Variants in PASD1 observed in about 807,000 individuals in gnomAD.
PASD1 encodes the protein circadian clock protein PASD1.
In PASD1, 13 loss-of-function variants were observed where a neutral mutation model predicts 58.8. The ratio of observed to expected loss-of-function variants is 0.22; its 90% confidence interval spans 0.14 to 0.35. The LOEUF (loss-of-function observed/expected upper bound fraction) is 0.35, where lower values mean the gene tolerates loss of function less well. Among genes scored for constraint, PASD1 ranks in the 10% least tolerant of loss-of-function variants. The pLI is 1.00. For missense variants in PASD1, 734 were observed against 568.3 expected (o/e 1.29, Z -2.96); for synonymous variants, 236 against 216.7 (o/e 1.09, Z -0.78).
chrX:151,633,431 G>A (rs2013893350), intron 8 of PASD1, among the ~76,000 whole-genome samples: 1 of 111,536 alleles, frequency 9.0e-6, no homozygotes, highest in African/African-American at 3.3e-5. Context: ...CCACGCAGCT[G>A]TATTTGTTAG....
rs976050192 is a variant in PASD1, at chrX:151,676,523, T to A, written c.*380T>A. 3 of 132,452 alleles carry A rather than the reference T, an allele frequency of 2.3e-5. No homozygotes were observed. The highest frequency in any genetic ancestry group is 4.5e-5 in the Non-Finnish European group (3 of 67,124). The allele number at this position is 132,452 out of a possible 1,213,427, so 10.9% of individuals were successfully genotyped here. A position where few individuals can be genotyped will look rare whatever the true frequency, so the allele number is the denominator to read the frequency against. Reference sequence around the variant, plus strand: ...AGAAAAAAAAATGCCAAAGTGCTTTTCAATCTAGTAAATCTAGAGGGTTGT... The same window carrying A: ...AGAAAAAAAAATGCCAAAGTGCTTTACAATCTAGTAAATCTAGAGGGTTGT... On this transcript the variant is annotated 3_prime_UTR_variant, in exon 16 of 16. Coordinates refer to ENST00000370357, the MANE Select transcript of PASD1 (RefSeq NM_173493.3).
At position 151,641,808 on chromosome X, in the gene PASD1, G is replaced by A. The variant is rs747461061; in HGVS notation, c.630-6807G>A. On this transcript the variant is annotated intron_variant, in intron 8 of 15. Coordinates refer to ENST00000370357, the MANE Select transcript of PASD1 (RefSeq NM_173493.3). Reference sequence around the variant, plus strand: ...ACACACACCATAGACGTGTGCACACGCGTACTTACACACACACACACACAC... The same window carrying A: ...ACACACACCATAGACGTGTGCACACACGTACTTACACACACACACACACAC... 3.5e-3 allele frequency among the ~76,000 whole-genome samples: 335 copies of A among 95,325 alleles called. 3 individuals carry two copies. Among genetic ancestry groups the A allele is most frequent in the Non-Finnish European group, 6.1e-3 (284 of 46,479 alleles). 82.8% of individuals were successfully genotyped at this position (95,325 alleles called of 115,157 possible).
intron 1 of PASD1, among the ~76,000 whole-genome samples, chrX:151,598,025 C>T (rs781542064): frequency 1.8e-5 from 2 of 112,377 alleles, no homozygotes; most frequent in Non-Finnish European, 3.8e-5. Flanking sequence ...CCACTGCGCC[C>T]GGCCAACTTA....
chrX:151,632,831 T>C (rs1166940528), intron 8 of PASD1, among the ~76,000 whole-genome samples: 2 of 110,648 alleles, frequency 1.8e-5, no homozygotes, highest in Non-Finnish European at 3.8e-5. Flanking sequence ...TCTTTATCTA[T>C]AAATGATGAA....
intron 4 of PASD1, among the ~76,000 whole-genome samples, chrX:151,618,825 G>T (rs1339713979): frequency 9.0e-6 from 1 of 111,100 alleles, no homozygotes; most frequent in African/African-American, 3.3e-5. Flanking sequence ...GAGGAGTTGG[G>T]TGTACCTGGA....
chrX:151,648,569 T>A (rs1182399799), intron 8 of PASD1, 46 bp from the exon 9 acceptor site: 4 of 1,118,979 alleles, frequency 3.6e-6, no homozygotes, highest in Non-Finnish European at 4.9e-6. Flanking sequence ...TTGATTTAAA[T>A]GGCGAGTGAG....
chrX:151,639,446 C>T (rs954370898), intron 8 of PASD1, among the ~76,000 whole-genome samples: 3 of 112,153 alleles, frequency 2.7e-5, no homozygotes, highest in Non-Finnish European at 5.6e-5. Flanking sequence ...TACAACGAAA[C>T]GAGAAACTAC....
intron 4 of PASD1, among the ~76,000 whole-genome samples, chrX:151,615,718 C>T (rs938009918): frequency 8.9e-6 from 1 of 112,211 alleles, no homozygotes; most frequent in African/African-American, 3.2e-5. Context: ...TATGGAGCAA[C>T]TCCAAACTAA....
rs374661476 is a variant in PASD1 at position 151,601,549 on chromosome X, A to G, written c.-5A>G. The G allele has an allele frequency of 4.1e-6, 5 of 1,208,728 alleles. No individual in the cohort carries two copies. In the African/African-American group the frequency reaches 8.7e-5, roughly 21 times the overall value. Reference sequence around the variant, plus strand: ...CAGGAGTCTTCCTACGTCACTGAATAATGAATGAAGATGAGAGGGGAAAAG... The same window carrying G: ...CAGGAGTCTTCCTACGTCACTGAATGATGAATGAAGATGAGAGGGGAAAAG... On this transcript the variant is annotated 5_prime_UTR_variant, in exon 2 of 16. The change creates a new upstream start codon in the 5' untranslated region. Transcript: ENST00000370357.
At chrX:151,664,840 A>G (rs999633374) in intron 11 of PASD1, among the ~76,000 whole-genome samples, 7 of 111,836 alleles carry the variant, frequency 6.3e-5, no homozygotes, top group African/African-American at 9.8e-5. Flanking sequence ...GATATACCCA[A>G]CCTTGAAACA....
chrX:151,604,547 T>C, intron 2 of PASD1, 99 bp from the exon 3 acceptor site: 1 of 541,223 alleles, frequency 1.8e-6, no homozygotes, highest in Non-Finnish European at 3.0e-6. Context: ...CTCATAAGAG[T>C]CTTTTCTATA....
chrX:151,649,959 G>T (rs1433841251), intron 9 of PASD1, among the ~76,000 whole-genome samples: 1 of 112,209 alleles, frequency 8.9e-6, no homozygotes, highest in East Asian at 2.8e-4. Flanking sequence ...AATTGTCCAA[G>T]TATTGCTCAT....
At chrX:151,663,604 T>C (rs774012258) in intron 10 of PASD1, among the ~76,000 whole-genome samples, 8 of 112,237 alleles carry the variant, frequency 7.1e-5, no homozygotes, top group Non-Finnish European at 1.5e-4. Flanking sequence ...TGTTTAACTT[T>C]ATTAGAAACT....
intron 11 of PASD1, among the ~76,000 whole-genome samples, chrX:151,667,284 G>C (rs1307578658): frequency 2.7e-5 from 3 of 111,821 alleles, no homozygotes; most frequent in African/African-American, 9.8e-5. Flanking sequence ...GTTATTAGCC[G>C]TTTGTCAGAT....
Position 151,674,103 on chromosome X carries a change from G to A in PASD1, c.2092G>A (p.Asp698Asn). 2.5e-6 allele frequency: 3 copies of A among 1,211,842 alleles called. No individual in the cohort carries two copies. The highest frequency in any genetic ancestry group is 3.4e-6 in the Non-Finnish European group (3 of 895,438). The change falls in exon 15 of 16, where the codon GAT (aspartate) becomes AAT (asparagine). Residue 698 changes from aspartate to asparagine, a missense_variant. Physicochemically the swap from Asp to Asn is conservative, Grantham distance 23 (BLOSUM62 1). Transcript: ENST00000370357. ...DYIRLWQELS[D>N]SLGPVVQVNT... Reference sequence around the variant, plus strand: ...CATCCGGCTTTGGCAAGAGTTGTCTGATTCACTCGGTCCTGTTGTCCAAGT... The same window carrying A: ...CATCCGGCTTTGGCAAGAGTTGTCTAATTCACTCGGTCCTGTTGTCCAAGT...
intron 8 of PASD1, among the ~76,000 whole-genome samples, chrX:151,635,997 T>G (rs915294414): frequency 8.9e-6 from 1 of 111,824 alleles, no homozygotes; most frequent in Non-Finnish European, 1.9e-5. Flanking sequence ...GAAATACATA[T>G]ATAATTTTTA....
chrX:151,567,553 T>C (rs2012865077), intron 1 of PASD1, among the ~76,000 whole-genome samples: 1 of 111,573 alleles, frequency 9.0e-6, no homozygotes, highest in African/African-American at 3.3e-5. Context: ...TACCCTGCTC[T>C]AGCCATAAAA....
chrX:151,645,525 A>G (rs1464437669), intron 8 of PASD1, among the ~76,000 whole-genome samples: 2 of 112,253 alleles, frequency 1.8e-5, no homozygotes, highest in African/African-American at 6.5e-5. Context: ...AAATATTTAA[A>G]ATGAAGAGAG....
At chrX:151,666,369 CA>C (rs1390211941) in intron 11 of PASD1, among the ~76,000 whole-genome samples, 1 of 109,770 alleles carries the variant, frequency 9.1e-6, no homozygotes, top group African/African-American at 3.3e-5. Context: ...AAGTCTCATC[CA>C]CCTTTTTTTT....
Sources: gnomAD v4.1 joint callset for allele counts (sites outside exome capture counted in the v4.1 genomes callset) on GRCh38, gnomAD v4.1.1 for gene constraint, MANE v1.5 for transcripts, NCBI Gene and HGNC (gene_info 2026-07-23, HGNC 2026-07-21) for gene names.